Variants in EPB41 observed in about 807,000 individuals in gnomAD.
EPB41 encodes erythrocyte membrane protein band 4.1.
Under a neutral mutation model 108.0 loss-of-function variants are expected in EPB41, and 65 were observed. That is an observed-to-expected ratio of 0.60 (90% CI 0.49 to 0.74). The LOEUF (loss-of-function observed/expected upper bound fraction) is 0.74, where lower values mean the gene tolerates loss of function less well. EPB41 is among the 30% of genes least tolerant of loss of function. EPB41 has a pLI of 0.00. For missense variants in EPB41, 875 were observed against 1,037.0 expected (o/e 0.84, Z 2.15); for synonymous variants, 336 against 358.9 (o/e 0.94, Z 0.72).
chr1:29,002,418 C>G (rs542766365), intron 4 of EPB41, among the ~76,000 whole-genome samples: 2 of 150,528 alleles, frequency 1.3e-5, no homozygotes, highest in African/African-American at 4.9e-5. Flanking sequence ...CACCACTGCA[C>G]TTGCCTGGGT....
At chr1:28,917,592 T>C (rs554908188) in intron 1 of EPB41, among the ~76,000 whole-genome samples, 18 of 150,034 alleles carry the variant, frequency 1.2e-4, no homozygotes, top group Non-Finnish European at 2.2e-4. Context: ...TATACATATG[T>C]TTTTAGAGAC....
chr1:28,934,552 A>G (rs2093902652), intron 1 of EPB41, among the ~76,000 whole-genome samples: 1 of 151,944 alleles, frequency 6.6e-6, no homozygotes, highest in African/African-American at 2.4e-5. Flanking sequence ...TGATATGGAT[A>G]TTTATTTTAC....
chr1:29,097,744 A>G, intron 16 of EPB41, 63 bp from the exon 17 acceptor site: 1 of 1,577,894 alleles, frequency 6.3e-7, no homozygotes. Flanking sequence ...GATCAGTGTC[A>G]GAAGATTACT....
chr1:28,950,073 G>T (rs2094648978), intron 1 of EPB41, among the ~76,000 whole-genome samples: 1 of 152,040 alleles, frequency 6.6e-6, no homozygotes, highest in South Asian at 2.1e-4. Context: ...CTGTCTTCTT[G>T]TCTATGCCTG....
chr1:29,024,204 G>A (rs531855405), intron 7 of EPB41, among the ~76,000 whole-genome samples: 34 of 151,526 alleles, frequency 2.2e-4, no homozygotes, highest in African/African-American at 6.1e-4. Flanking sequence ...GCATGGTGGC[G>A]CGCACCTGTA....
chr1:29,102,813 C>T (rs1665875774), intron 17 of EPB41, among the ~76,000 whole-genome samples: 1 of 152,094 alleles, frequency 6.6e-6, no homozygotes, highest in Non-Finnish European at 1.5e-5. Flanking sequence ...CCTCTTGTCG[C>T]CCAGGCTGGA....
chr1:28,943,445 G>A (rs1020485815), intron 1 of EPB41, among the ~76,000 whole-genome samples: 3 of 152,158 alleles, frequency 2.0e-5, no homozygotes, highest in Non-Finnish European at 4.4e-5. Context: ...CTTAAGTCAG[G>A]AGTTCGAGAC....
At chr1:29,052,703 A>T (rs907673165) in intron 11 of EPB41, among the ~76,000 whole-genome samples, 1 of 152,222 alleles carries the variant, frequency 6.6e-6, no homozygotes, top group African/African-American at 2.4e-5. Flanking sequence ...CCTAAAAATG[A>T]ACACATCTTT....
chr1:28,905,421 C>T (rs528079352), intron 1 of EPB41, among the ~76,000 whole-genome samples: 36 of 150,370 alleles, frequency 2.4e-4, no homozygotes, highest in Non-Finnish European at 4.1e-4. Flanking sequence ...CGCTTGAACC[C>T]GGGAGGTGGA....
chr1:29,061,530 A>T (rs1646526805), intron 15 of EPB41, among the ~76,000 whole-genome samples: 1 of 148,036 alleles, frequency 6.8e-6, no homozygotes, highest in Non-Finnish European at 1.5e-5. Context: ...TGGCCTCCCA[A>T]AGTGCTGGGG....
rs759388934 is a variant in EPB41, at chr1:28,987,578, T to G, written c.141T>G (p.Asn47Lys). The change falls in exon 2 of 21, where the codon AAT becomes AAG. Residue 47 changes from asparagine to lysine, a missense_variant. Around this residue, in one of 3 missense-constraint regions of EPB41, gnomAD observed 353 missense variants for 393.2 expected, o/e 0.90. Transcript: ENST00000343067. ...GTCAAACAGCAGCTGAAGGAGATAA[T>G]TGGTGTGAACAGAAGCTGAAAGCTT... The part of the protein sequence containing the change: ...ESCQTAAEGD[N>K]WCEQKLKASN... 6.2e-7 allele frequency: 1 copy of G among 1,613,976 alleles called. No individual in the cohort carries two copies. Among genetic ancestry groups the G allele is most frequent in the African/African-American group, 1.3e-5 (1 of 74,894 alleles).
At chr1:28,973,652 C>T (rs2095541763) in intron 1 of EPB41, among the ~76,000 whole-genome samples, 1 of 152,160 alleles carries the variant, frequency 6.6e-6, no homozygotes, top group South Asian at 2.1e-4. Flanking sequence ...GTTTTGGTCT[C>T]CCAGAGTGTT....
At chr1:28,930,306 A>G (rs2093675349) in intron 1 of EPB41, among the ~76,000 whole-genome samples, 1 of 149,374 alleles carries the variant, frequency 6.7e-6, no homozygotes, top group African/African-American at 2.5e-5. Context: ...ACAGACACAC[A>G]CCACCACACC....
chr1:29,011,778 T>G, intron 4 of EPB41, 87 bp from the exon 5 acceptor site: 3 of 1,402,076 alleles, frequency 2.1e-6, no homozygotes, highest in Non-Finnish European at 3.0e-6. Context: ...GAGGCACTAT[T>G]TGAAGATAGT....
At chr1:28,906,586 A>G (rs1214714498) in intron 1 of EPB41, among the ~76,000 whole-genome samples, 1 of 152,094 alleles carries the variant, frequency 6.6e-6, no homozygotes, top group Non-Finnish European at 1.5e-5. Context: ...TCCCAGGGCT[A>G]TTATCAGAAG....
chr1:28,925,721 A>T (rs181429041), intron 1 of EPB41, among the ~76,000 whole-genome samples: 16 of 152,290 alleles, frequency 1.1e-4, no homozygotes, highest in African/African-American at 3.1e-4. Context: ...GGTCAAAATG[A>T]TCTAGGGAAA....
chr1:29,076,218 A>G (rs1199379067), intron 16 of EPB41, among the ~76,000 whole-genome samples: 2 of 152,180 alleles, frequency 1.3e-5, no homozygotes, highest in Non-Finnish European at 2.9e-5. Context: ...CTAGCATGTC[A>G]TCCTCCTTTC....
chr1:29,069,181 C>T (rs1650003978), intron 16 of EPB41: 12 of 1,231,476 alleles, frequency 9.7e-6, no homozygotes, highest in Non-Finnish European at 1.2e-5. Context: ...TAGCTACTTT[C>T]TCCCTGATAC....
chr1:29,070,982 C>T (rs1432759945), intron 16 of EPB41: 3 of 170,904 alleles, frequency 1.8e-5, no homozygotes, highest in Non-Finnish European at 3.7e-5. Flanking sequence ...AGGATACTCT[C>T]TAGATACATT....
Sources: gnomAD v4.1 joint callset for allele counts (sites outside exome capture counted in the v4.1 genomes callset) on GRCh38, gnomAD v4.1.1 for gene constraint, gnomAD v4.1.1 regional missense constraint, MANE v1.5 for transcripts, NCBI Gene and HGNC (gene_info 2026-07-23, HGNC 2026-07-21) for gene names.